Variants in KAZN observed in about 807,000 individuals in gnomAD.
The protein encoded by KAZN is kazrin, periplakin interacting protein.
A neutral mutation model predicts 87.4 loss-of-function variants in KAZN; 40 were observed. The observed-to-expected ratio is 0.46, with a 90% CI of 0.36 to 0.60. The LOEUF is 0.60. Ranked by LOEUF, KAZN falls within the 20% of genes least tolerant of loss-of-function variation. The probability of loss-of-function intolerance (pLI) is 0.00; values close to 1 mark genes in which losing one functional copy is unlikely to be tolerated. For synonymous variants in KAZN, 466 were observed against 458.3 expected, an observed-to-expected ratio of 1.02 and a Z score of -0.22; for missense variants, 898 against 1,073.9, an observed-to-expected ratio of 0.84 and a Z score of 2.29.
At chr1:14,412,653 C>T (rs1664400233) in intron 2 of KAZN, among the ~76,000 whole-genome samples, 1 of 151,994 alleles carries the variant, frequency 6.6e-6, no homozygotes, top group South Asian at 2.1e-4. Flanking sequence ...TGGGTGATAG[C>T]TCCTGTTCAT....
intron 2 of KAZN, among the ~76,000 whole-genome samples, chr1:14,263,716 G>A (rs1183782882): frequency 6.6e-6 from 1 of 152,204 alleles, no homozygotes; most frequent in Non-Finnish European, 1.5e-5. Flanking sequence ...TTTGTATGAG[G>A]TAGAAATGTA....
intron 8 of KAZN, among the ~76,000 whole-genome samples, chr1:15,091,510 C>T (rs1046875484): frequency 2.6e-5 from 4 of 152,008 alleles, no homozygotes; most frequent in Admixed American, 6.5e-5. Context: ...ACGCCCACGC[C>T]GGGATAATTT....
In KAZN at chr1:14,477,790, C is replaced by T. The variant is rs56030308; in HGVS notation, c.250-121193C>T. Reference sequence around the variant, plus strand: ...GTGGCAGTGCACCTGGAGGACAGGACGTCCAGAGGAGCTGACTCTCCCCAG... The same window carrying T: ...GTGGCAGTGCACCTGGAGGACAGGATGTCCAGAGGAGCTGACTCTCCCCAG... On this transcript the variant is annotated intron_variant, in intron 2 of 16. Transcript: ENST00000636203. 1.7e-3 allele frequency among the ~76,000 whole-genome samples: 265 copies of T among 152,296 alleles called. 2 individuals are homozygous for T. The highest frequency in any genetic ancestry group is 6.1e-3 in the African/African-American group (253 of 41,562).
intron 1 of KAZN, among the ~76,000 whole-genome samples, chr1:14,156,369 G>A (rs532981121): frequency 1.3e-5 from 2 of 152,260 alleles, no homozygotes; most frequent in South Asian, 2.1e-4. Context: ...CTATAGTGGA[G>A]GTTAAATCCA....
At chr1:14,316,097 T>C (rs1655640750) in intron 2 of KAZN, among the ~76,000 whole-genome samples, 1 of 152,090 alleles carries the variant, frequency 6.6e-6, no homozygotes, top group African/African-American at 2.4e-5. Flanking sequence ...TCTGTGTGGA[T>C]ATGTATTGGC....
upstream of KAZN, among the ~76,000 whole-genome samples, chr1:14,597,073 T>C (rs1164391163): frequency 6.6e-6 from 1 of 152,238 alleles, no homozygotes; most frequent in Non-Finnish European, 1.5e-5. Flanking sequence ...TCTGTAGTTT[T>C]GATGCTCTCC....
intron 10 of KAZN, among the ~76,000 whole-genome samples, chr1:15,100,518 C>A (rs752385284): frequency 6.6e-6 from 1 of 152,322 alleles, no homozygotes; most frequent in Admixed American, 6.5e-5. Flanking sequence ...AGGTGGGATG[C>A]GGTGATCCTC....
Position 15,114,817 on chromosome 1 carries a change from C to T in KAZN, c.*182C>T. 1 of 578,158 alleles carries T rather than the reference C, an allele frequency of 1.7e-6. No individual in the cohort carries two copies. Among genetic ancestry groups the T allele is most frequent in the South Asian group, 2.5e-5 (1 of 39,688 alleles). The allele number at this position is 578,158 out of a possible 1,614,324, so 35.8% of individuals were successfully genotyped here. Reference sequence around the variant, plus strand: ...ACAGCGCCCAGGAGAGAGAAGACACCAGCCCACCTGTCTTGGGTGGGCCAT... The same window carrying T: ...ACAGCGCCCAGGAGAGAGAAGACACTAGCCCACCTGTCTTGGGTGGGCCAT... On this transcript the variant is annotated 3_prime_UTR_variant, in exon 15 of 15. Coordinates refer to ENST00000376030, the MANE Select transcript of KAZN (RefSeq NM_201628.3).
intron 1 of KAZN, among the ~76,000 whole-genome samples, chr1:14,794,673 C>T (rs935779315): frequency 2.0e-5 from 3 of 152,204 alleles, no homozygotes; most frequent in Non-Finnish European, 4.4e-5. Context: ...ATGCACACCA[C>T]TGGGTATCAG....
At chr1:14,674,827 C>A (rs748261746) in intron 1 of KAZN, among the ~76,000 whole-genome samples, 6 of 151,952 alleles carry the variant, frequency 3.9e-5, no homozygotes, top group Non-Finnish European at 7.4e-5. Context: ...CATTCTGTTG[C>A]CCAGGCTGGA....
intron 1 of KAZN, among the ~76,000 whole-genome samples, chr1:14,920,850 G>C (rs906878850): frequency 3.3e-5 from 5 of 152,124 alleles, no homozygotes; most frequent in Non-Finnish European, 7.3e-5. Context: ...CAGAAAATGG[G>C]TAGGTTAGTC....
At chr1:14,002,593 C>T (rs1639847591) in intron 1 of KAZN, among the ~76,000 whole-genome samples, 1 of 152,126 alleles carries the variant, frequency 6.6e-6, no homozygotes, top group East Asian at 1.9e-4. Context: ...TCTTTATCAG[C>T]CGTGTGAAAA....
At chr1:14,514,976 C>T (rs1344601305) in intron 2 of KAZN, among the ~76,000 whole-genome samples, 1 of 152,146 alleles carries the variant, frequency 6.6e-6, no homozygotes, top group African/African-American at 2.4e-5. Flanking sequence ...TCATCATTCA[C>T]ATAGAGTATC....
At chr1:14,072,872 A>C (rs935823834) in intron 1 of KAZN, among the ~76,000 whole-genome samples, 2 of 152,176 alleles carry the variant, frequency 1.3e-5, no homozygotes, top group African/African-American at 4.8e-5. Flanking sequence ...CTCCTCACCT[A>C]CTAATTCAGA....
Position 14,598,884 on chromosome 1 carries a change from G to T in KAZN, c.-114G>T. On this transcript the variant is annotated 5_prime_UTR_variant, in exon 1 of 15. Transcript: ENST00000376030. The surrounding 1 kb of genome is among the most constrained non-coding windows in gnomAD (Gnocchi z 4.2). ...GGTGCCTGGGGGTCGGGGCGCGGGC[G>T]AAGCCGGGCCGCGGAGGACACAACA... 1 of 1,474,766 alleles carries T rather than the reference G, an allele frequency of 6.8e-7. No individual in the cohort carries two copies. Among genetic ancestry groups the T allele is most frequent in the Non-Finnish European group, 8.9e-7 (1 of 1,122,478 alleles). 91.4% of individuals were successfully genotyped at this position (1,474,766 alleles called of 1,614,324 possible).
chr1:13,989,107 C>G (rs1639160771), intron 1 of KAZN, among the ~76,000 whole-genome samples: 1 of 152,120 alleles, frequency 6.6e-6, no homozygotes, highest in South Asian at 2.1e-4. Flanking sequence ...GGGGACTGAA[C>G]TCACCCTTTT....
chr1:14,156,657 C>T (rs542509121), intron 1 of KAZN, among the ~76,000 whole-genome samples: 4 of 152,042 alleles, frequency 2.6e-5, no homozygotes, highest in Non-Finnish European at 4.4e-5. Flanking sequence ...ATAGTAACTC[C>T]GACTCTTTTT....
chr1:14,138,731 C>T (rs547752889), intron 1 of KAZN, among the ~76,000 whole-genome samples: 1 of 152,320 alleles, frequency 6.6e-6, no homozygotes, highest in East Asian at 1.9e-4. Context: ...GGTTGCCTCC[C>T]CTTTCCAATT....
Position 14,827,829 on chromosome 1 carries a change from C to T in KAZN, c.227-132855C>T, listed in dbSNP as rs549152605. Among the ~76,000 whole-genome samples the T allele has an allele frequency of 2.6e-5, 4 of 152,332 alleles. No individual in the cohort carries two copies. In the South Asian group the frequency reaches 8.3e-4, roughly 32 times the overall value. On this transcript the variant is annotated intron_variant, in intron 1 of 14. Coordinates refer to ENST00000376030, the MANE Select transcript of KAZN (RefSeq NM_201628.3). ...TGAGAAACTCTCCACTCAAGGATCCCCTGGCTAAGGTGGAACAGGAGCCCC... is the reference window on the plus strand; with the variant it reads ...TGAGAAACTCTCCACTCAAGGATCCTCTGGCTAAGGTGGAACAGGAGCCCC...
Sources: gnomAD v4.1 joint callset for allele counts (sites outside exome capture counted in the v4.1 genomes callset) on GRCh38, gnomAD v4.1.1 for gene constraint, Gnocchi (gnomAD v3.1) non-coding constraint, MANE v1.5 for transcripts, NCBI Gene and HGNC (gene_info 2026-07-23, HGNC 2026-07-21) for gene names.